TNR: variants seen among roughly 807,000 people sequenced by gnomAD.
TNR encodes the protein tenascin R, also known as tenascin-R.
In TNR, 45 loss-of-function variants were observed where a neutral mutation model predicts 150.4. That is an observed-to-expected ratio of 0.30 (90% confidence interval 0.24 to 0.38). The LOEUF (loss-of-function observed/expected upper bound fraction) is 0.38. TNR is among the 10% of genes least tolerant of loss of function. The probability of loss-of-function intolerance (pLI) is 1.00; values close to 1 mark genes in which losing one functional copy is unlikely to be tolerated. For synonymous variants in TNR, 687 were observed against 678.4 expected (o/e 1.01, Z -0.20); for missense variants, 1,544 against 1,759.1 (o/e 0.88, Z 2.19).
chr1:175,423,907 T>G (rs1654860851), intron 2 of TNR, among the ~76,000 whole-genome samples: 1 of 152,030 alleles, frequency 6.6e-6, no homozygotes, highest in Non-Finnish European at 1.5e-5. Context: ...GTTCCAGGGG[T>G]CTGGATGTGA....
At chr1:175,735,010 T>C (rs1667734216) in intron 1 of TNR, among the ~76,000 whole-genome samples, 1 of 152,242 alleles carries the variant, frequency 6.6e-6, no homozygotes, top group Admixed American at 6.5e-5. Context: ...TCTCTATAAA[T>C]ATATACGGCT....
intron 1 of TNR, among the ~76,000 whole-genome samples, chr1:175,537,755 G>A (rs995025032): frequency 6.6e-5 from 10 of 152,144 alleles, no homozygotes; most frequent in African/African-American, 2.4e-4. Flanking sequence ...GAGAACAGAG[G>A]ATTCTCCGAG....
At chr1:175,324,274 A>G (rs1649229331) in intron 22 of TNR, 82 bp downstream of exon 22, 1 of 1,413,338 alleles carries the variant, frequency 7.1e-7, no homozygotes, top group Non-Finnish European at 9.5e-7. Context: ...AAGGACTCAC[A>G]TGTGCTTTTA....
intron 1 of TNR, among the ~76,000 whole-genome samples, chr1:175,724,009 G>A (rs553252125): frequency 6.6e-6 from 1 of 151,710 alleles, no homozygotes; most frequent in Non-Finnish European, 1.5e-5. Context: ...AATTGATATT[G>A]GATATATAAA....
intron 1 of TNR, among the ~76,000 whole-genome samples, chr1:175,644,743 G>A (rs1002286154): frequency 2.6e-5 from 4 of 152,230 alleles, no homozygotes; most frequent in Non-Finnish European, 4.4e-5. Flanking sequence ...GCTAAATACA[G>A]GAAATCTTAA....
At chr1:175,367,755 A>T (rs1188212149) in intron 9 of TNR, among the ~76,000 whole-genome samples, 1 of 152,138 alleles carries the variant, frequency 6.6e-6, no homozygotes, top group East Asian at 1.9e-4. Flanking sequence ...CTTTTACAGG[A>T]GCTGAGGCCA....
At chr1:175,523,270 G>A (rs1195590006) in intron 2 of TNR, among the ~76,000 whole-genome samples, 1 of 152,092 alleles carries the variant, frequency 6.6e-6, no homozygotes, top group African/African-American at 2.4e-5. Flanking sequence ...GGCATTGTGG[G>A]ATAACAAAAA....
In TNR at chr1:175,319,052, C is replaced by T. The variant is rs1453662459; in HGVS notation, c.*4305G>A. On this transcript the variant is annotated 3_prime_UTR_variant, in exon 23 of 23. Coordinates refer to ENST00000367674, the MANE Select transcript of TNR (RefSeq NM_003285.3). Reference sequence around the variant, plus strand: ...GTCCCCCAACCCCATGCCCTACCTCCTTGGAAGAAAAGACATGGAACTAAG... The same window carrying T: ...GTCCCCCAACCCCATGCCCTACCTCTTTGGAAGAAAAGACATGGAACTAAG... 1.3e-5 allele frequency: 2 copies of T among 152,162 alleles called. No homozygotes were observed. The highest frequency in any genetic ancestry group is 2.1e-4 in the South Asian group (1 of 4,824). The allele number at this position is 152,162 out of a possible 1,614,324, so 9.4% of individuals were successfully genotyped here.
intron 2 of TNR, among the ~76,000 whole-genome samples, chr1:175,522,500 C>A (rs896530275): frequency 1.3e-5 from 2 of 152,116 alleles, no homozygotes; most frequent in African/African-American, 4.8e-5. Flanking sequence ...CAAATCACCA[C>A]TAAAGAACTT....
At chr1:175,582,555 G>A (rs1326825215) in intron 1 of TNR, among the ~76,000 whole-genome samples, 1 of 152,174 alleles carries the variant, frequency 6.6e-6, no homozygotes, top group Non-Finnish European at 1.5e-5. Flanking sequence ...CATGCTCCAT[G>A]TTCTACTTTG....
intron 1 of TNR, among the ~76,000 whole-genome samples, chr1:175,670,626 G>A (rs1435885504): frequency 1.3e-5 from 2 of 152,178 alleles, no homozygotes; most frequent in Non-Finnish European, 2.9e-5. Context: ...CTGGGGACAA[G>A]AGGAGCAGCT....
intron 2 of TNR, among the ~76,000 whole-genome samples, chr1:175,526,483 CA>C (rs1296285823): frequency 1.3e-5 from 2 of 152,140 alleles, no homozygotes; most frequent in Admixed American, 6.5e-5. Context: ...ACCTTATGGA[CA>C]CACACAAACC....
At chr1:175,440,530 T>C (rs181101858) in intron 2 of TNR, among the ~76,000 whole-genome samples, 126 of 145,566 alleles carry the variant, frequency 8.7e-4, no homozygotes, top group African/African-American at 3.1e-3. Context: ...AGTATAATAA[T>C]AATAAAATAA....
At chr1:175,734,893 T>A (rs1459924836) in intron 1 of TNR, among the ~76,000 whole-genome samples, 1 of 152,208 alleles carries the variant, frequency 6.6e-6, no homozygotes, top group Admixed American at 6.5e-5. Context: ...ACAGCTCTCA[T>A]TTGCAGAAAG....
At chr1:175,535,526 T>C (rs1379708499) in intron 1 of TNR, among the ~76,000 whole-genome samples, 5 of 152,046 alleles carry the variant, frequency 3.3e-5, no homozygotes, top group African/African-American at 4.8e-5. Flanking sequence ...AGTGGCGCGA[T>C]CTCGGCTCAC....
intron 2 of TNR, among the ~76,000 whole-genome samples, chr1:175,512,419 T>C (rs1659225230): frequency 6.6e-6 from 1 of 152,242 alleles, no homozygotes; most frequent in Non-Finnish European, 1.5e-5. Context: ...TTTAAAAATA[T>C]AGGATAGCAA....
chr1:175,657,106 C>A (rs1665201019), intron 1 of TNR, among the ~76,000 whole-genome samples: 1 of 152,120 alleles, frequency 6.6e-6, no homozygotes, highest in African/African-American at 2.4e-5. Context: ...TCCTTTAGGG[C>A]TGGTGGTTCT....
intron 2 of TNR, among the ~76,000 whole-genome samples, chr1:175,409,931 A>T (rs567082986): frequency 6.6e-5 from 10 of 152,246 alleles, no homozygotes; most frequent in Non-Finnish European, 1.2e-4. Context: ...TATATAATAG[A>T]AATTATGTGA....
intron 17 of TNR, 75 bp from the exon 18 acceptor site, chr1:175,354,598 T>C: frequency 6.3e-7 from 1 of 1,595,434 alleles, no homozygotes; most frequent in Non-Finnish European, 8.6e-7. Context: ...GGAAGGGAAG[T>C]CCAAATCCCA....
Sources: allele counts gnomAD v4.1 joint callset (sites outside exome capture counted in the v4.1 genomes callset), GRCh38; gene constraint gnomAD v4.1.1; transcripts MANE v1.5; gene names NCBI Gene and HGNC (gene_info 2026-07-23, HGNC 2026-07-21).